PSMD6: variants seen among roughly 807,000 people sequenced by gnomAD.
PSMD6 encodes 26S proteasome non-ATPase regulatory subunit 6.
Under a neutral mutation model 44.9 loss-of-function variants are expected in PSMD6, and 7 were observed. That is an observed-to-expected ratio of 0.16 (90% CI 0.09 to 0.29). The LOEUF (loss-of-function observed/expected upper bound fraction) is 0.29, where lower values mean the gene tolerates loss of function less well. PSMD6 is among the 10% of genes least tolerant of loss of function. The probability of loss-of-function intolerance (pLI) is 1.00; values close to 1 mark genes in which losing one functional copy is unlikely to be tolerated. For synonymous variants in PSMD6, 184 were observed against 172.7 expected, an observed-to-expected ratio of 1.07 and a Z score of -0.51; for missense variants, 420 against 482.6, an observed-to-expected ratio of 0.87 and a Z score of 1.21.
rs535504414 is a variant in PSMD6, at chr3:64,022,238, T to C, written c.351+80A>G. 8.8e-6 allele frequency: 13 copies of C among 1,471,526 alleles called. 1 individual carries two copies. The South Asian group carries it at 1.3e-4, about 15-fold the overall frequency. The allele number at this position is 1,471,526 out of a possible 1,614,324, so 91.2% of individuals were successfully genotyped here. Reference sequence around the variant, plus strand: ...TTTTTCTAAAACGAAGTTAATTTTTTTAATGAGAAACGATTACCTGGAATA... The same window carrying C: ...TTTTTCTAAAACGAAGTTAATTTTTCTAATGAGAAACGATTACCTGGAATA... On this transcript the variant is annotated intron_variant, in intron 2 of 7. Coordinates refer to ENST00000295901, the MANE Select transcript of PSMD6 (RefSeq NM_014814.3).
At chr3:64,013,218 C>G in intron 6 of PSMD6, 1 of 455,774 alleles carries the variant, frequency 2.2e-6, no homozygotes, top group South Asian at 4.1e-5. Context: ...CTTAGCCTCA[C>G]TACAACTCAT....
At chr3:64,022,572 A>C in intron 1 of PSMD6, 49 bp from the exon 2 acceptor site, 1 of 1,607,618 alleles carries the variant, frequency 6.2e-7, no homozygotes, top group Non-Finnish European at 8.5e-7. Flanking sequence ...TGTGCCCTCA[A>C]GTCAAAGTCT....
intron 7 of PSMD6, 55 bp downstream of exon 7, chr3:64,010,823 A>G: frequency 6.4e-7 from 1 of 1,574,300 alleles, no homozygotes; most frequent in Non-Finnish European, 8.7e-7. Flanking sequence ...CCATGACAAT[A>G]GTTGACCTAC....
chr3:64,012,228 A>C (rs2106841391), intron 6 of PSMD6: 1 of 152,306 alleles, frequency 6.6e-6, no homozygotes, highest in African/African-American at 2.4e-5. Context: ...TAGAAAGAGA[A>C]TGGTCTTATT....
chr3:64,013,378 G>T (rs1168008560), intron 6 of PSMD6, 61 bp downstream of exon 6: 7 of 1,434,654 alleles, frequency 4.9e-6, no homozygotes, highest in Non-Finnish European at 5.6e-6. Context: ...AATTGTACAA[G>T]TTCACATATT....
intron 2 of PSMD6, among the ~76,000 whole-genome samples, chr3:64,021,394 G>C (rs2076128826): frequency 6.6e-6 from 1 of 152,000 alleles, no homozygotes; most frequent in Admixed American, 6.5e-5. Context: ...AATACACTAT[G>C]ATCCTATGTA....
At chr3:64,023,240 C>T in intron 1 of PSMD6, 35 bp downstream of exon 1, 2 of 1,541,884 alleles carry the variant, frequency 1.3e-6, no homozygotes, top group Non-Finnish European at 8.8e-7. Context: ...CGGCCCAGGC[C>T]TAGGCCGCTG....
intron 1 of PSMD6, 196 bp from the exon 2 acceptor site, chr3:64,022,719 C>T (rs1478738945): frequency 1.3e-6 from 2 of 1,536,628 alleles, no homozygotes; most frequent in Non-Finnish European, 1.7e-6. Flanking sequence ...TGCGTGACGG[C>T]CAATCCTGGC....
rs145672978 is a variant in PSMD6, at chr3:64,021,259, C to T, written c.351+1059G>A. Among the ~76,000 whole-genome samples the T allele has an allele frequency of 6.6e-5, 10 of 152,176 alleles. No homozygotes were observed. In the East Asian group the frequency reaches 1.9e-3, roughly 29 times the overall value. ...AGCTGAACAGGCAAATAAACTATGC[C>T]AGAGCTAGCTCTACAGTGGAACATT... On this transcript the variant is annotated intron_variant, in intron 2 of 7. Coordinates refer to ENST00000295901, the MANE Select transcript of PSMD6 (RefSeq NM_014814.3).
rs1258307740 is a variant in PSMD6 at position 64,018,895 on chromosome 3, T to A, written c.640A>T (p.Met214Leu). The A allele has an allele frequency of 1.3e-6, 2 of 1,597,928 alleles. No homozygotes were observed. The highest frequency in any genetic ancestry group is 4.5e-5 in the East Asian group (2 of 44,770). The change falls in exon 4 of 8, where the codon ATG (methionine) becomes TTG (leucine). Residue 214 changes from methionine (M) to leucine (L), a missense_variant. Physicochemically the swap from Met to Leu is conservative, Grantham distance 15. Coordinates refer to ENST00000295901, the MANE Select transcript of PSMD6 (RefSeq NM_014814.3). Reference sequence around the variant, plus strand: ...TAAGTCACAAATGTTTTATAATCCATGAGTTCATAGGATGTAAATGTTGAA... The same window carrying A: ...TAAGTCACAAATGTTTTATAATCCAAGAGTTCATAGGATGTAAATGTTGAA... The part of the protein sequence containing the change: ...TVSTFTSYEL[M>L]DYKTFVTYTV...
rs751687732 is a variant in PSMD6 at position 64,018,635 on chromosome 3, A to G, written c.790T>C (p.Tyr264His). Residue 264 changes from tyrosine to histidine, a missense_variant, in exon 5 of 8, where the codon TAT becomes CAT. By Grantham distance (83) the Tyr-to-His change is moderately conservative. Transcript: ENST00000295901. ...PAVRQYLFSL[Y>H]ECRYSVFFQS... ...AAGAAAACAGAGTAACGGCATTCAT[A>G]GAGTGAAAACAGATACTGCCGAACT... The G allele has an allele frequency of 6.3e-7, 1 of 1,596,272 alleles. No individual in the cohort carries two copies. Among genetic ancestry groups the G allele is most frequent in the Non-Finnish European group, 8.6e-7 (1 of 1,163,908 alleles).
chr3:64,017,701 T>G (rs1390549505), intron 5 of PSMD6: 1 of 152,240 alleles, frequency 6.6e-6, no homozygotes, highest in East Asian at 1.9e-4. Context: ...CCAATTTATA[T>G]GCATGGAGAA....
In PSMD6 at chr3:64,019,412, T is replaced by C. The variant is rs2106867588; in HGVS notation, c.381A>G (p.Thr127=). 2 of 1,613,536 alleles carry C rather than the reference T, an allele frequency of 1.2e-6. No individual in the cohort carries two copies. The highest frequency in any genetic ancestry group is 1.1e-5 in the South Asian group (1 of 90,970). ...KEGALTAFRK[T]YDKTVALGHR... is the part of the protein sequence containing the mutation. ...GACCCAGGGCCACAGTTTTGTCATA[T>C]GTCTTGCGAAAGGCTGTCAGAGCTC... The change falls in exon 3 of 8, where the codon ACA becomes ACG. Residue 127 remains threonine, a synonymous_variant. Transcript: ENST00000295901.
rs34590097 is a variant in PSMD6 at position 64,010,931 on chromosome 3, G to A, written c.1020C>T (p.Ala340=). The change falls in exon 7 of 8, where the codon GCC becomes GCT. Residue 340 remains alanine (A), a synonymous_variant. Coordinates refer to ENST00000295901, the MANE Select transcript of PSMD6 (RefSeq NM_014814.3). The stretch of plus-strand genomic sequence containing the variant: ...TATCTATTTTGCAGTGTAGTCTCCC[G>A]GCAGCAATAAACCTGGACAGTTCCC... ...IDQELSRFIA[A]GRLHCKIDKV... 5,020 of 1,608,862 alleles carry A rather than the reference G, an allele frequency of 3.1e-3. 9 individuals are homozygous for A. The highest frequency in any genetic ancestry group is 3.6e-3 in the Non-Finnish European group (4,279 of 1,176,916).
upstream of PSMD6, chr3:64,023,533 C>CTA: frequency 7.1e-7 from 1 of 1,411,164 alleles, no homozygotes; most frequent in Non-Finnish European, 9.3e-7. Flanking sequence ...GGCTTCCGGT[C>CTA]CCGTCTCCGC....
intron 6 of PSMD6, chr3:64,012,764 C>CTCCTCTCAATTCAAATCT (rs1283566585): frequency 6.6e-6 from 1 of 152,290 alleles, no homozygotes; most frequent in African/African-American, 2.4e-5. Flanking sequence ...ATATGGCTGA[C>CTCCTCTCAATTCAAATCT]TCCTCTCAAT....
Position 64,023,262 on chromosome 3 carries a change from G to T in PSMD6, c.145+13C>A. The T allele has an allele frequency of 6.4e-7, 1 of 1,552,832 alleles. No individual in the cohort carries two copies. Among genetic ancestry groups the T allele is most frequent in the Non-Finnish European group, 8.7e-7 (1 of 1,147,826 alleles). ...GGCCTAGGCCGCTGACTCGGCGCTC[G>T]TGCGGGCCTCACTGTTATCGCGGAC... is the stretch of plus-strand genomic sequence containing the variant. On this transcript the variant is annotated intron_variant, in intron 1 of 7. Transcript: ENST00000295901.
At chr3:64,019,985 A>G (rs139130326) in intron 2 of PSMD6, 1 of 152,452 alleles carries the variant, frequency 6.6e-6, no homozygotes, top group African/African-American at 2.4e-5. Flanking sequence ...TATTTCACAA[A>G]TTTATAAGGG....
At chr3:64,022,563 G>A in intron 1 of PSMD6, 40 bp from the exon 2 acceptor site, 7 of 1,609,556 alleles carry the variant, frequency 4.3e-6, no homozygotes, top group Non-Finnish European at 5.1e-6. Context: ...GGGGACACTT[G>A]TGCCCTCAAG....
Sources: gnomAD v4.1 joint callset for allele counts (sites outside exome capture counted in the v4.1 genomes callset) on GRCh38, gnomAD v4.1.1 for gene constraint, MANE v1.5 for transcripts, NCBI Gene and HGNC (gene_info 2026-07-23, HGNC 2026-07-21) for gene names.